Variants in HRG observed in about 807,000 individuals in gnomAD.
HRG encodes histidine rich glycoprotein, also known as histidine-rich glycoprotein.
HRG carries 26 observed loss-of-function variants against 29.5 expected under a neutral mutation model. That is an observed-to-expected ratio of 0.88 (90% CI 0.65 to 1.22). The LOEUF (loss-of-function observed/expected upper bound fraction) is 1.22, where lower values mean the gene tolerates loss of function less well. HRG is among the 50% of genes most tolerant of loss of function. The pLI is 0.00. For synonymous variants in HRG, 243 were observed against 240.4 expected (o/e 1.01, Z -0.10); for missense variants, 671 against 654.5 (o/e 1.03, Z -0.28).
Position 186,677,387 on chromosome 3 carries a change from C to G in HRG, c.1082C>G (p.Pro361Arg). The G allele has an allele frequency of 6.2e-7, 1 of 1,612,778 alleles. No individual in the cohort carries two copies. The highest frequency in any genetic ancestry group is 8.5e-7 in the Non-Finnish European group (1 of 1,179,448). Residue 361 changes from proline to arginine, a missense_variant, in exon 7 of 7, where the codon CCC becomes CGC. Coordinates refer to ENST00000232003, the MANE Select transcript of HRG (RefSeq NM_000412.5). The stretch of plus-strand genomic sequence containing the variant: ...AAGCATCATTCCCATGAACAGCATC[C>G]CCACGGACACCATCCCCATGCACAC... ...PHKHHSHEQH[P>R]HGHHPHAHHP... is the part of the protein sequence containing the mutation.
Position 186,669,030 on chromosome 3 carries a change from T to C in HRG, c.279T>C (p.Asp93=), listed in dbSNP as rs1718701635. 6.2e-7 allele frequency: 1 copy of C among 1,601,804 alleles called. No homozygotes were observed. ...ACTGGAATGACTGTGAGCCACCTGA[T>C]TCCAGACGTCCATCTGAAATAGTAA... is the stretch of plus-strand genomic sequence containing the variant. ...RKYWNDCEPP[D]SRRPSEIVIG... is the part of the protein sequence containing the mutation. The change falls in exon 2 of 7, where the codon GAT becomes GAC. Residue 93 remains aspartate (D), a synonymous_variant. Coordinates refer to ENST00000232003, the MANE Select transcript of HRG (RefSeq NM_000412.5).
rs778088196 is a variant in HRG, at chr3:186,666,121, G to C, written c.90G>C (p.Glu30Asp). The part of the protein sequence containing the change: ...SPTDCSAVEP[E>D]AEKALDLINK... ...CTGACTGCAGTGCTGTTGAGCCGGA[G>C]GCTGAGAAAGCTCTAGACCTGATCA... Residue 30 changes from glutamate to aspartate, a missense_variant, in exon 1 of 7, where the codon GAG (glutamate) becomes GAC (aspartate). Coordinates refer to ENST00000232003, the MANE Select transcript of HRG (RefSeq NM_000412.5). 1.9e-6 allele frequency: 3 copies of C among 1,614,240 alleles called. No individual in the cohort carries two copies. The highest frequency in any genetic ancestry group is 1.7e-6 in the Non-Finnish European group (2 of 1,180,040).
chr3:186,676,688 G>C (rs546277332), intron 6 of HRG, among the ~76,000 whole-genome samples: 15 of 151,830 alleles, frequency 9.9e-5, no homozygotes, highest in Non-Finnish European at 1.9e-4. Flanking sequence ...TGGCTTGGGC[G>C]TGTAGTCCCA....
At chr3:186,675,325 G>GAGAGAGAGAGAGAC in intron 6 of HRG, 135 bp downstream of exon 6, 1 of 683,480 alleles carries the variant, frequency 1.5e-6, no homozygotes, top group Middle Eastern at 3.1e-4. Context: ...GAGAGAGAGA[G>GAGAGAGAGAGAGAC]AGAGAGACAG....
At position 186,677,887 on chromosome 3, in the gene HRG, G is replaced by A. The variant is rs780868118; in HGVS notation, c.*4G>A. ...TACACATACATTTCCAAAATAAAAT[G>A]TGATTCCTTTGAAGAGGAAAATGAA... On this transcript the variant is annotated 3_prime_UTR_variant, in exon 7 of 7. Transcript: ENST00000232003. 7 of 1,611,888 alleles carry A rather than the reference G, an allele frequency of 4.3e-6. No homozygotes were observed. The highest frequency in any genetic ancestry group is 8.5e-7 in the Non-Finnish European group (1 of 1,177,982).
At position 186,675,124 on chromosome 3, in the gene HRG, T is replaced by C. The variant is rs542843896; in HGVS notation, c.675T>C (p.Asp225=). 3.1e-6 allele frequency: 5 copies of C among 1,613,892 alleles called. No individual in the cohort carries two copies. The highest frequency in any genetic ancestry group is 4.5e-5 in the East Asian group (2 of 44,884). The change falls in exon 6 of 7, where the codon GAT becomes GAC. Residue 225 remains aspartate, a synonymous_variant. Coordinates refer to ENST00000232003, the MANE Select transcript of HRG (RefSeq NM_000412.5). Reference sequence around the variant, plus strand: ...TCTGCAGAGCAGATTTGTTCTATGATGTAGAAGCCTTGGACTTGGAAAGCC... The same window carrying C: ...TCTGCAGAGCAGATTTGTTCTATGACGTAGAAGCCTTGGACTTGGAAAGCC... ...FGFCRADLFY[D]VEALDLESPK...
intron 6 of HRG, 149 bp from the exon 7 acceptor site, chr3:186,676,898 A>C: frequency 1.2e-6 from 1 of 812,148 alleles, no homozygotes; most frequent in Non-Finnish European, 2.0e-6. Flanking sequence ...ACTGGGCTAG[A>C]TAACAATTTG....
intron 6 of HRG, among the ~76,000 whole-genome samples, chr3:186,675,927 T>C (rs552737339): frequency 1.1e-3 from 147 of 135,414 alleles, no homozygotes; most frequent in African/African-American, 4.1e-3. Flanking sequence ...TGGAATACAA[T>C]GGTGCCATCT....
intron 5 of HRG, chr3:186,673,099 C>T (rs1480833309): frequency 1.0e-5 from 6 of 596,918 alleles, no homozygotes; most frequent in Non-Finnish European, 1.8e-5. Flanking sequence ...CATCAGATAA[C>T]TTATTGTTTT....
rs1226923206 is a variant in HRG, at chr3:186,676,974, T to A, written c.742-73T>A. ...ATCTATGATCTGGGAGCCATTGGTGTAAATCAAGTCAAGTATCTAACATCT... is the reference window on the plus strand; with the variant it reads ...ATCTATGATCTGGGAGCCATTGGTGAAAATCAAGTCAAGTATCTAACATCT... On this transcript the variant is annotated intron_variant, in intron 6 of 6. Transcript: ENST00000232003. 5.1e-6 allele frequency: 8 copies of A among 1,566,242 alleles called. No individual in the cohort carries two copies. The Admixed American group carries it at 1.3e-4, about 26-fold the overall frequency.
Position 186,666,176 on chromosome 3 carries a change from C to G in HRG, c.145C>G (p.Gln49Glu). Residue 49 changes from glutamine (Q) to glutamate (E), a missense_variant, in exon 1 of 7, where the codon CAA becomes GAA. By Grantham distance (29) the Gln-to-Glu change is conservative. Transcript: ENST00000232003. Reference protein sequence around the residue: ...NKRRRDGYLFQLLRIADAHLD... With the variant: ...NKRRRDGYLFELLRIADAHLD... ...AAGGCGACGGGATGGCTACCTTTTC[C>G]AATTGCTGCGGATTGCTGATGCCCA... 1 of 1,614,070 alleles carries G rather than the reference C, an allele frequency of 6.2e-7. No homozygotes were observed. The highest frequency in any genetic ancestry group is 1.7e-5 in the Admixed American group (1 of 60,022).
intron 3 of HRG, among the ~76,000 whole-genome samples, chr3:186,670,710 A>T (rs1024101019): frequency 1.2e-4 from 18 of 151,972 alleles, no homozygotes; most frequent in African/African-American, 4.4e-4. Flanking sequence ...ACCACATCCA[A>T]CAAATTTTGT....
chr3:186,677,871 A>T lies in HRG; in HGVS notation c.1566A>T (p.Thr522=). The change falls in exon 7 of 7, where the codon ACA becomes ACT. Residue 522 remains threonine, a synonymous_variant. Transcript: ENST00000232003. ...FPQVSMFFTH[T]FPK Reference sequence around the variant, plus strand: ...AAGTTTCCATGTTTTTTACACATACATTTCCAAAATAAAATGTGATTCCTT... The same window carrying T: ...AAGTTTCCATGTTTTTTACACATACTTTTCCAAAATAAAATGTGATTCCTT... 6.2e-7 allele frequency: 1 copy of T among 1,613,608 alleles called. No homozygotes were observed.
In HRG at chr3:186,677,324, A is replaced by G. The variant is rs2228243; in HGVS notation, c.1019A>G (p.His340Arg). Residue 340 changes from histidine to arginine, a missense_variant, in exon 7 of 7, where the codon CAT (histidine) becomes CGT (arginine). Transcript: ENST00000232003. ...ATFGTNGAQRHSHNNNSSDLH... is the reference protein window; with the variant it reads ...ATFGTNGAQRRSHNNNSSDLH... ...TTTGGCACAAATGGGGCCCAAAGAC[A>G]TTCTCATAATAATAATTCCAGTGAC... 0.2 allele frequency: 319,969 copies of G among 1,613,930 alleles called. 33,670 individuals carry two copies. Among genetic ancestry groups the G allele is most frequent in the East Asian group, 0.34 (15,333 of 44,850 alleles).
Position 186,677,595 on chromosome 3 carries a change from C to A in HRG, c.1290C>A (p.Gly430=). 1 of 1,614,146 alleles carries A rather than the reference C, an allele frequency of 6.2e-7. No homozygotes were observed. The highest frequency in any genetic ancestry group is 1.7e-5 in the Admixed American group (1 of 60,018). ...PPHNQGHCCH[G]HGPPPGHLRR... Reference sequence around the variant, plus strand: ...ATAACCAAGGTCACTGTTGCCATGGCCACGGCCCACCACCTGGGCACTTAA... The same window carrying A: ...ATAACCAAGGTCACTGTTGCCATGGACACGGCCCACCACCTGGGCACTTAA... Residue 430 remains glycine (G), a synonymous_variant, in exon 7 of 7, where the codon GGC becomes GGA. Transcript: ENST00000232003.
intron 1 of HRG, among the ~76,000 whole-genome samples, chr3:186,666,686 G>A (rs1579071848): frequency 3.3e-5 from 5 of 151,974 alleles, no homozygotes; most frequent in Admixed American, 2.0e-4. Flanking sequence ...AGGCCAAGGC[G>A]GACGGATCAT....
In HRG at chr3:186,677,833, A is replaced by G. The variant is rs757811061; in HGVS notation, c.1528A>G (p.Ser510Gly). The change falls in exon 7 of 7, where the codon AGT becomes GGT. Residue 510 changes from serine to glycine, a missense_variant. Transcript: ENST00000232003. ...TGAATCATGTCCAGGGAAGTTCAAG[A>G]GTGGGTTTCCACAAGTTTCCATGTT... is the stretch of plus-strand genomic sequence containing the variant. ...VSESCPGKFK[S>G]GFPQVSMFFT... is the part of the protein sequence containing the mutation. 4.3e-6 allele frequency: 7 copies of G among 1,614,214 alleles called. No homozygotes were observed. The highest frequency in any genetic ancestry group is 5.1e-6 in the Non-Finnish European group (6 of 1,179,994).
chr3:186,670,608 T>C (rs1319338432), intron 3 of HRG, among the ~76,000 whole-genome samples: 1 of 152,148 alleles, frequency 6.6e-6, no homozygotes, highest in Non-Finnish European at 1.5e-5. Flanking sequence ...AGTGCAATAG[T>C]GTGATCTCGG....
At chr3:186,674,311 T>A (rs974213060) in intron 5 of HRG, 1 of 152,890 alleles carries the variant, frequency 6.5e-6, no homozygotes, top group African/African-American at 2.4e-5. Context: ...TTTTACAGCA[T>A]CCTCTTGTTT....
Sources: gnomAD v4.1 joint callset for allele counts (sites outside exome capture counted in the v4.1 genomes callset) on GRCh38, gnomAD v4.1.1 for gene constraint, MANE v1.5 for transcripts, NCBI Gene and HGNC (gene_info 2026-07-23, HGNC 2026-07-21) for gene names.